The following HIVEP2 variants were observed in gnomAD, a reference collection of about 807,000 sequenced individuals.
The protein encoded by HIVEP2 is HIVEP zinc finger 2.
HIVEP2 carries 14 observed loss-of-function variants against 180.7 expected under a neutral mutation model. The ratio of observed to expected loss-of-function variants is 0.08; its 90% CI spans 0.05 to 0.12. The LOEUF (loss-of-function observed/expected upper bound fraction) is 0.12. Ranked by LOEUF, HIVEP2 falls within the 10% of genes least tolerant of loss-of-function variation. The pLI is 1.00. For synonymous variants in HIVEP2, 1,184 were observed against 1,136.4 expected, an observed-to-expected ratio of 1.04 and a Z score of -0.84; for missense variants, 2,579 against 3,008.5, an observed-to-expected ratio of 0.86 and a Z score of 3.34.
intron 2 of HIVEP2, among the ~76,000 whole-genome samples, chr6:142,804,748 T>C (rs1776504349): frequency 4.6e-5 from 7 of 152,102 alleles, no homozygotes; most frequent in Admixed American, 4.6e-4. Flanking sequence ...TCATAATAGA[T>C]GGTCTGTGGG....
chr6:142,772,626 C>A lies in HIVEP2; in HGVS notation c.2113G>T (p.Asp705Tyr), dbSNP rs769649662. Residue 705 changes from aspartate (D) to tyrosine (Y), a missense_variant, in exon 5 of 10, where the codon GAT becomes TAT. Asp to Tyr is a radical substitution (Grantham distance 160, BLOSUM62 -3). Coordinates refer to ENST00000367603, the MANE Select transcript of HIVEP2 (RefSeq NM_006734.4). This position sits in a 1 kb window ranked among gnomAD's most constrained non-coding sequence, Gnocchi z 4.9. ...RKRRKEKSVG[D>Y]EEDTPMICSS... ...CAGATCATGGGCGTGTCCTCTTCATCCCCTACGCTCTTCTCTTTCCGGCGT... is the reference window on the plus strand; with the variant it reads ...CAGATCATGGGCGTGTCCTCTTCATACCCTACGCTCTTCTCTTTCCGGCGT... The A allele has an allele frequency of 9.3e-6, 15 of 1,614,092 alleles. No homozygotes were observed. The Admixed American group carries it at 2.2e-4, about 23-fold the overall frequency.
At chr6:142,860,749 C>T (rs1327394200) in intron 1 of HIVEP2, among the ~76,000 whole-genome samples, 2 of 152,172 alleles carry the variant, frequency 1.3e-5, no homozygotes, top group Non-Finnish European at 2.9e-5. Context: ...CTCCACTTAC[C>T]TCCTGCTGTG....
Position 142,753,167 on chromosome 6 carries a change from T to C in HIVEP2, c.7281A>G (p.Glu2427=), listed in dbSNP as rs1477249097. The change falls in exon 10 of 10, where the codon GAA becomes GAG. Residue 2427 remains glutamate (E), a synonymous_variant. Transcript: ENST00000367603. ...DKQLDFHSSK[E]LSSSTEESKD... ...TGCTTTCCTCTGTGCTTGAAGATAA[T>C]TCCTTGCTGCTGTGAAAGTCCAACT... 1.2e-6 allele frequency: 2 copies of C among 1,613,920 alleles called. No homozygotes were observed. The highest frequency in any genetic ancestry group is 2.2e-5 in the East Asian group (1 of 44,878).
chr6:142,769,460 A>ATTTTTTT, intron 5 of HIVEP2, 92 bp downstream of exon 5: 1 of 995,736 alleles, frequency 1.0e-6, no homozygotes, highest in Non-Finnish European at 1.4e-6. Context: ...TTTTACTTGT[A>ATTTTTTT]TTTTTTTTTT....
At chr6:142,901,582 T>C (rs1777132889) in intron 1 of HIVEP2, among the ~76,000 whole-genome samples, 1 of 152,168 alleles carries the variant, frequency 6.6e-6, no homozygotes, top group South Asian at 2.1e-4. Flanking sequence ...TTTTCAGATT[T>C]TGTACCTCCT....
At chr6:142,845,613 T>C (rs961634618) in intron 1 of HIVEP2, among the ~76,000 whole-genome samples, 1 of 152,218 alleles carries the variant, frequency 6.6e-6, no homozygotes, top group African/African-American at 2.4e-5. Flanking sequence ...ACTACAAGCC[T>C]GGGACCATGG....
chr6:142,779,694 G>A (rs950361130), intron 3 of HIVEP2: 1 of 151,984 alleles, frequency 6.6e-6, no homozygotes, highest in African/African-American at 2.4e-5. Context: ...AAAAAACAGG[G>A]TTGGAATAAT....
At chr6:142,875,631 A>T (rs1204900707) in intron 1 of HIVEP2, among the ~76,000 whole-genome samples, 1 of 152,192 alleles carries the variant, frequency 6.6e-6, no homozygotes, top group African/African-American at 2.4e-5. Flanking sequence ...AGCCAGAAGT[A>T]CTTACTGGAT....
intron 2 of HIVEP2, among the ~76,000 whole-genome samples, chr6:142,816,027 T>C (rs1776825465): frequency 2.6e-5 from 4 of 152,200 alleles, no homozygotes. Flanking sequence ...TTTGGAACCT[T>C]ATTGGAGACA....
In HIVEP2 at chr6:142,943,788, T is replaced by C. The variant is rs147097938; in HGVS notation, c.-641+1311A>G. The stretch of plus-strand genomic sequence containing the variant: ...ATAACTCTGCAGAGAATAAGGGTTT[T>C]GCAATGTCAGTTGCACACACAACTT... On this transcript the variant is annotated intron_variant, in intron 1 of 9. Transcript: ENST00000367603. The surrounding 1 kb of genome is among the most constrained non-coding windows in gnomAD (Gnocchi z 4.5). Among the ~76,000 whole-genome samples the C allele has an allele frequency of 3.5e-4, 53 of 152,338 alleles. No homozygotes were observed. Among genetic ancestry groups the C allele is most frequent in the African/African-American group, 1.3e-3 (52 of 41,578 alleles).
At position 142,772,707 on chromosome 6, in the gene HIVEP2, C is replaced by T. The variant is rs142125678; in HGVS notation, c.2032G>A (p.Val678Met). The T allele has an allele frequency of 9.2e-5, 149 of 1,614,198 alleles. No homozygotes were observed. Among genetic ancestry groups the T allele is most frequent in the East Asian group, 1.6e-4 (7 of 44,882 alleles). Residue 678 changes from valine (V) to methionine (M), a missense_variant, in exon 5 of 10, where the codon GTG (valine) becomes ATG (methionine). Around this residue, in one of 11 missense-constraint regions of HIVEP2, gnomAD observed 524 missense variants for 563.6 expected, o/e 0.93. Transcript: ENST00000367603. This position sits in a 1 kb window ranked among gnomAD's most constrained non-coding sequence, Gnocchi z 4.9. ...CTTGGTACTCCCTGCAATGGCACCA[C>T]GGGATCCATGAAATATTCTCCACCA... Reference protein sequence around the residue: ...KHGGEYFMDPVVPLQGVPSMF... With the variant: ...KHGGEYFMDPMVPLQGVPSMF...
chr6:142,944,402 C>T (rs1361587707), intron 1 of HIVEP2, among the ~76,000 whole-genome samples: 1 of 145,960 alleles, frequency 6.9e-6, no homozygotes, highest in African/African-American at 2.6e-5. Flanking sequence ...CACACATGCA[C>T]ATCAGCACCC....
At chr6:142,762,853 C>T (rs1013145912) in intron 7 of HIVEP2, among the ~76,000 whole-genome samples, 3 of 152,222 alleles carry the variant, frequency 2.0e-5, no homozygotes, top group East Asian at 3.9e-4. Context: ...TAATTCCAAA[C>T]AGAAATATTT....
rs372386907 is a variant in HIVEP2, at chr6:142,771,370, C to T, written c.3369G>A (p.Pro1123=). The part of the protein sequence containing the change: ...AGLRSGWHHG[P]PAVLPPLQQE... ...GCTGAAGAGGAGGCAGCACAGCAGG[C>T]GGGCCATGGTGCCACCCGGACCGGA... is the stretch of plus-strand genomic sequence containing the variant. The change falls in exon 5 of 10, where the codon CCG becomes CCA. Residue 1123 remains proline (P), a synonymous_variant. Transcript: ENST00000367603. The surrounding 1 kb of genome is among the most constrained non-coding windows in gnomAD (Gnocchi z 5.4). 2.2e-4 allele frequency: 352 copies of T among 1,612,786 alleles called. No homozygotes were observed. The highest frequency in any genetic ancestry group is 6.9e-4 in the African/African-American group (52 of 75,044).
chr6:142,924,689 C>A (rs904537253), intron 1 of HIVEP2, among the ~76,000 whole-genome samples: 5 of 152,176 alleles, frequency 3.3e-5, no homozygotes, highest in Non-Finnish European at 7.3e-5. Flanking sequence ...ATTTGTAATT[C>A]ATGTGTTAAT....
rs1775494002 is a variant in HIVEP2 at position 142,770,284 on chromosome 6, C to T, written c.4455G>A (p.Lys1485=). The T allele has an allele frequency of 5.3e-5, 86 of 1,614,048 alleles. No individual in the cohort carries two copies. The highest frequency in any genetic ancestry group is 7.1e-5 in the Non-Finnish European group (84 of 1,180,048). ...AVELTNSDIK[K]DLSRPQKPQL... Reference sequence around the variant, plus strand: ...GGGGTTTCTGGGGGCGGGAGAGGTCCTTTTTGATGTCTGAGTTGGTCAGCT... The same window carrying T: ...GGGGTTTCTGGGGGCGGGAGAGGTCTTTTTTGATGTCTGAGTTGGTCAGCT... Residue 1485 remains lysine (K), a synonymous_variant, in exon 5 of 10, where the codon AAG becomes AAA. Coordinates refer to ENST00000367603, the MANE Select transcript of HIVEP2 (RefSeq NM_006734.4). The surrounding 1 kb of genome is among the most constrained non-coding windows in gnomAD (Gnocchi z 4.7).
At chr6:142,872,339 G>A (rs972951788) in intron 1 of HIVEP2, among the ~76,000 whole-genome samples, 10 of 152,106 alleles carry the variant, frequency 6.6e-5, no homozygotes, top group Admixed American at 4.6e-4. Context: ...CTTTGGAATC[G>A]CTTCCATAAA....
chr6:142,911,094 C>G (rs1777390195), intron 1 of HIVEP2, among the ~76,000 whole-genome samples: 1 of 149,662 alleles, frequency 6.7e-6, no homozygotes, highest in Non-Finnish European at 1.5e-5. Context: ...TCACCTCTAC[C>G]CAGAGAGTTT....
intron 2 of HIVEP2, among the ~76,000 whole-genome samples, chr6:142,831,980 T>A (rs921576207): frequency 6.6e-6 from 1 of 151,780 alleles, no homozygotes; most frequent in African/African-American, 2.4e-5. Context: ...TCACCTGAGG[T>A]CAGGAGTTCA....
Sources: gnomAD v4.1 joint callset for allele counts (sites outside exome capture counted in the v4.1 genomes callset) on GRCh38, gnomAD v4.1.1 for gene constraint, gnomAD v4.1.1 regional missense constraint, Gnocchi (gnomAD v3.1) non-coding constraint, MANE v1.5 for transcripts, NCBI Gene and HGNC (gene_info 2026-07-23, HGNC 2026-07-21) for gene names.